The following TRPM1 variants were observed in gnomAD, a reference collection of about 807,000 sequenced individuals.
The protein encoded by TRPM1 is TRPM1-203 APA Isoform, Intron 10.
A neutral mutation model predicts 149.4 loss-of-function variants in TRPM1; 113 were observed. The ratio of observed to expected loss-of-function variants is 0.76; its 90% CI spans 0.65 to 0.88. The LOEUF (loss-of-function observed/expected upper bound fraction) is 0.88, where lower values mean the gene tolerates loss of function less well. Ranked by LOEUF, TRPM1 falls within the 40% of genes least tolerant of loss-of-function variation. TRPM1 has a pLI of 0.00. For missense variants in TRPM1, 1,976 were observed against 2,038.7 expected (o/e 0.97, Z 0.59); for synonymous variants, 741 against 759.5 (o/e 0.98, Z 0.40).
At chr15:31,064,982 A>G (rs2034329024) in intron 7 of TRPM1, 1 of 495,016 alleles carries the variant, frequency 2.0e-6, no homozygotes. Context: ...CTTCTTTTCG[A>G]GCAACAGAGT....
At chr15:31,158,079 C>T (rs2036400110) in intron 1 of TRPM1, among the ~76,000 whole-genome samples, 1 of 152,070 alleles carries the variant, frequency 6.6e-6, no homozygotes, top group South Asian at 2.1e-4. Context: ...AGAATGGCTT[C>T]CTTAAAGCCA....
At chr15:31,054,847 A>T (rs1209428516) in intron 11 of TRPM1, among the ~76,000 whole-genome samples, 5 of 152,148 alleles carry the variant, frequency 3.3e-5, no homozygotes, top group African/African-American at 1.2e-4. Flanking sequence ...CATTATTATT[A>T]ATTATAGTCA....
intron 1 of TRPM1, among the ~76,000 whole-genome samples, chr15:31,094,769 T>C (rs370840125): frequency 1.2e-3 from 184 of 152,344 alleles, no homozygotes; most frequent in African/African-American, 4.1e-3. Flanking sequence ...CCTTCAGACA[T>C]TGCTGGTGAA....
Position 31,111,149 on chromosome 15 carries a change from T to A in TRPM1, c.55-34165A>T, listed in dbSNP as rs577130166. ...AGCTGTAAACCTGGTTGGTCCTGGA[T>A]CCTGCCATGAGTAAAGGTTGCAGCT... On this transcript the variant is annotated intron_variant, in intron 1 of 26. Transcript: ENST00000542188. Among the ~76,000 whole-genome samples the A allele has an allele frequency of 2.6e-5, 4 of 152,292 alleles. No individual in the cohort carries two copies. In the East Asian group the frequency reaches 7.7e-4, roughly 29 times the overall value.
intron 21 of TRPM1, among the ~76,000 whole-genome samples, chr15:31,034,602 A>T (rs934605669): frequency 1.3e-5 from 2 of 152,194 alleles, no homozygotes; most frequent in Non-Finnish European, 2.9e-5. Flanking sequence ...CTGAAGCCAC[A>T]CCTCACTTAG....
At chr15:31,127,888 G>A (rs1156280264) in intron 1 of TRPM1, among the ~76,000 whole-genome samples, 1 of 152,222 alleles carries the variant, frequency 6.6e-6, no homozygotes, top group African/African-American at 2.4e-5. Flanking sequence ...GCGATGCCAA[G>A]GGGCCTGGAA....
intron 3 of TRPM1, 186 bp from the exon 4 acceptor site, chr15:31,070,412 A>G (rs2140967725): frequency 4.2e-6 from 3 of 712,862 alleles, no homozygotes; most frequent in South Asian, 3.0e-5. Context: ...ATCAGTGCAC[A>G]TCTCTTTATA....
At chr15:31,141,467 A>C (rs948367831) in intron 1 of TRPM1, among the ~76,000 whole-genome samples, 5 of 152,202 alleles carry the variant, frequency 3.3e-5, no homozygotes, top group Admixed American at 6.5e-5. Flanking sequence ...GGTTATTTAG[A>C]AGATGTCTCA....
intron 1 of TRPM1, among the ~76,000 whole-genome samples, chr15:31,136,036 A>G (rs2036083663): frequency 6.6e-6 from 1 of 152,182 alleles, no homozygotes; most frequent in Admixed American, 6.5e-5. Flanking sequence ...TTCAGTAAAA[A>G]CAAATCTGTC....
At chr15:31,065,360 A>AGACTAGATGG (rs2034342406) in intron 7 of TRPM1, among the ~76,000 whole-genome samples, 1 of 152,178 alleles carries the variant, frequency 6.6e-6, no homozygotes, top group Admixed American at 6.5e-5. Context: ...TCCCACAAAA[A>AGACTAGATGG]TCTTGCCAGT....
At chr15:31,098,763 C>T (rs888967238) in intron 1 of TRPM1, among the ~76,000 whole-genome samples, 8 of 151,968 alleles carry the variant, frequency 5.3e-5, no homozygotes, top group Non-Finnish European at 1.2e-4. Context: ...GGGGAGCAGA[C>T]ACAGGATGGA....
intron 1 of TRPM1, among the ~76,000 whole-genome samples, chr15:31,125,852 T>C (rs2035944562): frequency 6.6e-6 from 1 of 151,584 alleles, no homozygotes; most frequent in Non-Finnish European, 1.5e-5. Flanking sequence ...AGAGTATGGC[T>C]GGGTGCAGTG....
At chr15:31,019,150 C>T (rs1304505200) in intron 27 of TRPM1, among the ~76,000 whole-genome samples, 1 of 152,208 alleles carries the variant, frequency 6.6e-6, no homozygotes, top group Non-Finnish European at 1.5e-5. Context: ...GTATTCTATA[C>T]TTGAGTTCTA....
chr15:31,094,456 G>A (rs1356027566), intron 1 of TRPM1, among the ~76,000 whole-genome samples: 1 of 152,120 alleles, frequency 6.6e-6, no homozygotes, highest in Non-Finnish European at 1.5e-5. Flanking sequence ...TACGATATTT[G>A]CAAATCAAAA....
chr15:31,075,490 T>C (rs1001463176), intron 3 of TRPM1, among the ~76,000 whole-genome samples: 1 of 152,234 alleles, frequency 6.6e-6, no homozygotes, highest in East Asian at 1.9e-4. Flanking sequence ...ATAACCACTC[T>C]CACTTTCTGT....
intron 24 of TRPM1, 57 bp from the exon 25 acceptor site, chr15:31,028,533 A>G: frequency 2.5e-6 from 4 of 1,570,352 alleles, no homozygotes; most frequent in Non-Finnish European, 3.5e-6. Context: ...AAGGATAAAT[A>G]TCTCTTACAT....
At position 31,063,117 on chromosome 15, in the gene TRPM1, C is replaced by T. The variant is rs2034278143; in HGVS notation, c.965+1G>A. 30 of 1,614,208 alleles carry T rather than the reference C, an allele frequency of 1.9e-5. No homozygotes were observed. Among genetic ancestry groups the T allele is most frequent in the Middle Eastern group, 1.6e-4 (1 of 6,062 alleles). ...CCTTCCTCGCGCGTCAGAAATCCTACCCGCCTTCTTCACAGTACTTGTGCG... is the reference window on the plus strand; with the variant it reads ...CCTTCCTCGCGCGTCAGAAATCCTATCCGCCTTCTTCACAGTACTTGTGCG... On this transcript the variant is annotated splice_donor_variant, in intron 8 of 27. Coordinates refer to ENST00000256552, the MANE Select transcript of TRPM1 (RefSeq NM_001252024.2). LOFTEE classifies it high-confidence loss of function.
chr15:31,035,902 T>A (rs1401003343), intron 20 of TRPM1: 10 of 598,346 alleles, frequency 1.7e-5, no homozygotes, highest in Non-Finnish European at 3.0e-5. Context: ...GACTTTTCAT[T>A]TTCTACATGG....
intron 27 of TRPM1, among the ~76,000 whole-genome samples, chr15:31,023,579 G>A (rs1265798974): frequency 6.6e-6 from 1 of 152,184 alleles, no homozygotes; most frequent in East Asian, 1.9e-4. Flanking sequence ...GTTGGGGTAG[G>A]GATGAAAAAA....
Sources: gnomAD v4.1 joint callset for allele counts (sites outside exome capture counted in the v4.1 genomes callset) on GRCh38, gnomAD v4.1.1 for gene constraint, MANE v1.5 for transcripts, NCBI Gene and HGNC (gene_info 2026-07-23, HGNC 2026-07-21) for gene names.